RBMS3: variants seen among roughly 807,000 people sequenced by gnomAD.
RBMS3 encodes the protein RNA-binding motif, single-stranded-interacting protein 3.
A neutral mutation model predicts 66.8 loss-of-function variants in RBMS3; 27 were observed. The ratio of observed to expected loss-of-function variants is 0.40; its 90% confidence interval spans 0.30 to 0.56. The LOEUF is 0.56. Among genes scored for constraint, RBMS3 ranks in the 20% least tolerant of loss-of-function variants. The probability of loss-of-function intolerance (pLI) is 0.40; values close to 1 mark genes in which losing one functional copy is unlikely to be tolerated. For missense variants in RBMS3, 513 were observed against 549.5 expected, an observed-to-expected ratio of 0.93 and a Z score of 0.66; for synonymous variants, 188 against 183.0, an observed-to-expected ratio of 1.03 and a Z score of -0.22.
chr3:29,328,159 AC>A (rs2035447746), intron 1 of RBMS3, among the ~76,000 whole-genome samples: 1 of 152,164 alleles, frequency 6.6e-6, no homozygotes, highest in East Asian at 1.9e-4. Context: ...CATTTAAACA[AC>A]GTGGCACGTT....
Position 29,484,914 on chromosome 3 carries a change from A to C in RBMS3, c.249-3527A>C, listed in dbSNP as rs112239824. ...ATAGAAGGCATGTGAAAAATGAGTT[A>C]GCTGAGAGTTAATTGACTGCGGAGA... On this transcript the variant is annotated intron_variant, in intron 2 of 14. Coordinates refer to ENST00000383767, the MANE Select transcript of RBMS3 (RefSeq NM_001003793.3). 6.5e-3 allele frequency among the ~76,000 whole-genome samples: 997 copies of C among 152,302 alleles called. 6 individuals carry two copies. The highest frequency in any genetic ancestry group is 0.022 in the African/African-American group (905 of 41,556).
intron 1 of RBMS3, among the ~76,000 whole-genome samples, chr3:29,296,081 A>T: frequency 6.6e-6 from 1 of 151,814 alleles, no homozygotes; most frequent in South Asian, 2.1e-4. Context: ...TGGCAGAAAC[A>T]GGAATATCTT....
At chr3:29,325,598 G>A (rs578099675) in intron 1 of RBMS3, among the ~76,000 whole-genome samples, 5 of 138,256 alleles carry the variant, frequency 3.6e-5, no homozygotes, top group African/African-American at 8.3e-5. Context: ...ATATATATAC[G>A]TGTGTGTATA....
chr3:29,312,933 C>T (rs1346587684), intron 1 of RBMS3, among the ~76,000 whole-genome samples: 1 of 151,644 alleles, frequency 6.6e-6, no homozygotes, highest in Non-Finnish European at 1.5e-5. Flanking sequence ...AACTTCACTG[C>T]CCCTGCAGTG....
chr3:29,627,708 A>T (rs1479238332), intron 4 of RBMS3, among the ~76,000 whole-genome samples: 1 of 152,150 alleles, frequency 6.6e-6, no homozygotes, highest in Non-Finnish European at 1.5e-5. Flanking sequence ...CTGTGAGTTT[A>T]TCTTGGTCAG....
At chr3:29,762,165 T>C (rs983423723) in intron 5 of RBMS3, among the ~76,000 whole-genome samples, 3 of 152,152 alleles carry the variant, frequency 2.0e-5, no homozygotes, top group African/African-American at 7.2e-5. Flanking sequence ...TTTAGGAATA[T>C]TGATAAGATA....
chr3:29,576,121 T>C (rs2149075371), intron 3 of RBMS3, among the ~76,000 whole-genome samples: 1 of 152,194 alleles, frequency 6.6e-6, no homozygotes, highest in East Asian at 1.9e-4. Flanking sequence ...GTTCATGGTT[T>C]GGGCTTGTTT....
chr3:29,900,577 A>T (rs2060228986), intron 10 of RBMS3, among the ~76,000 whole-genome samples: 1 of 151,684 alleles, frequency 6.6e-6, no homozygotes, highest in Non-Finnish European at 1.5e-5. Context: ...CAACACACTC[A>T]TGAGGGTGTG....
chr3:29,934,309 GA>G (rs5847608), intron 10 of RBMS3, among the ~76,000 whole-genome samples: 5,836 of 145,598 alleles, frequency 0.04, 187 homozygotes, highest in East Asian at 0.12. Flanking sequence ...CTTTTTGGTT[GA>G]AAAAAAAAAA....
At chr3:29,730,776 C>T in intron 4 of RBMS3, 27 of 752,820 alleles carry the variant, frequency 3.6e-5, no homozygotes, top group Non-Finnish European at 4.0e-5. Context: ...TCATTTTTGA[C>T]CATCAGGACC....
intron 10 of RBMS3, among the ~76,000 whole-genome samples, chr3:29,916,067 A>C (rs2060632149): frequency 6.6e-6 from 1 of 152,056 alleles, no homozygotes; most frequent in Non-Finnish European, 1.5e-5. Flanking sequence ...ACACATGGTC[A>C]GGCATATGAT....
intron 5 of RBMS3, among the ~76,000 whole-genome samples, chr3:29,756,688 A>G (rs996384955): frequency 4.6e-5 from 7 of 152,098 alleles, no homozygotes; most frequent in African/African-American, 1.7e-4. Flanking sequence ...CCATATCACC[A>G]AGCTACCCAC....
At chr3:29,509,926 G>C (rs1001645749) in intron 3 of RBMS3, among the ~76,000 whole-genome samples, 1 of 152,174 alleles carries the variant, frequency 6.6e-6, no homozygotes, top group Non-Finnish European at 1.5e-5. Flanking sequence ...ATGTCTAAAA[G>C]AATAAAATGA....
chr3:29,974,926 AC>A (rs1697468279), intron 12 of RBMS3, among the ~76,000 whole-genome samples: 1 of 142,628 alleles, frequency 7.0e-6, no homozygotes, highest in East Asian at 2.0e-4. Context: ...TATATAAAAT[AC>A]GTTTCTATAT....
intron 2 of RBMS3, among the ~76,000 whole-genome samples, chr3:29,445,073 A>G (rs551160693): frequency 6.6e-6 from 1 of 151,888 alleles, no homozygotes; most frequent in Non-Finnish European, 1.5e-5. Flanking sequence ...TACCTAGTAC[A>G]CTTCCAGATT....
chr3:29,902,047 A>C (rs1466749022), intron 10 of RBMS3, among the ~76,000 whole-genome samples: 1 of 151,822 alleles, frequency 6.6e-6, no homozygotes, highest in Admixed American at 6.6e-5. Flanking sequence ...CAAATCAAAA[A>C]ACCTGAATCT....
At chr3:29,676,873 G>C (rs1197058900) in intron 4 of RBMS3, among the ~76,000 whole-genome samples, 1 of 151,944 alleles carries the variant, frequency 6.6e-6, no homozygotes, top group Non-Finnish European at 1.5e-5. Flanking sequence ...TGCTGTATTA[G>C]TCCATTCTTG....
intron 3 of RBMS3, among the ~76,000 whole-genome samples, chr3:29,491,554 A>G (rs1253451433): frequency 4.6e-5 from 7 of 152,246 alleles, no homozygotes; most frequent in Admixed American, 4.6e-4. Context: ...CTCTAGTGAT[A>G]TGAATACTGG....
intron 1 of RBMS3, among the ~76,000 whole-genome samples, chr3:29,376,785 A>G (rs2038494820): frequency 6.6e-6 from 1 of 152,216 alleles, no homozygotes; most frequent in Non-Finnish European, 1.5e-5. Context: ...GGGCGCCTGT[A>G]GTCCCAGCTA....
Sources: allele counts gnomAD v4.1 joint callset (sites outside exome capture counted in the v4.1 genomes callset), GRCh38; gene constraint gnomAD v4.1.1; transcripts MANE v1.5; gene names NCBI Gene and HGNC (gene_info 2026-07-23, HGNC 2026-07-21).